Variants in NR4A1 observed in about 807,000 individuals in gnomAD.
NR4A1 encodes nuclear receptor subfamily 4 group A member 1.
A neutral mutation model predicts 47.5 loss-of-function variants in NR4A1; 24 were observed. The ratio of observed to expected loss-of-function variants is 0.50; its 90% CI spans 0.37 to 0.71. The LOEUF is 0.71. Ranked by LOEUF, NR4A1 falls within the 30% of genes least tolerant of loss-of-function variation. The pLI, the probability that NR4A1 is intolerant of heterozygous loss-of-function variation, is 0.00. For missense variants in NR4A1, 669 were observed against 788.6 expected (o/e 0.85, Z 1.82); for synonymous variants, 353 against 345.7 (o/e 1.02, Z -0.24).
chr12:52,057,601 C>G, intron 6 of NR4A1, 71 bp downstream of exon 6: 1 of 1,570,152 alleles, frequency 6.4e-7, no homozygotes, highest in Non-Finnish European at 8.7e-7. Context: ...CAGGAGGGCA[C>G]TGTCCCAGGG....
At position 52,054,530 on chromosome 12, in the gene NR4A1, C is replaced by A; in HGVS notation, c.202C>A (p.Leu68Ile). ...DGYTGEFDTF[L>I]YQLPGTVQPC... ...CTACACAGGAGAGTTTGACACCTTC[C>A]TCTACCAGCTGCCAGGAACAGTCCA... The change falls in exon 2 of 7, where the codon CTC (leucine) becomes ATC (isoleucine). Residue 68 changes from leucine to isoleucine, a missense_variant. Physicochemically the swap from Leu to Ile is conservative, Grantham distance 5 (BLOSUM62 2). Coordinates refer to ENST00000394825, the MANE Select transcript of NR4A1 (RefSeq NM_173157.3). 6.2e-7 allele frequency: 1 copy of A among 1,614,060 alleles called. No homozygotes were observed. The highest frequency in any genetic ancestry group is 8.5e-7 in the Non-Finnish European group (1 of 1,179,958).
chr12:52,051,684 T>C (rs1938959173), intron 1 of NR4A1, 116 bp downstream of exon 1: 1 of 676,722 alleles, frequency 1.5e-6, no homozygotes, highest in East Asian at 1.4e-4. Flanking sequence ...GTAGGTGTAG[T>C]GTGCAGCTGT....
upstream of NR4A1, among the ~76,000 whole-genome samples, chr12:52,048,591 C>T (rs370111111): frequency 2.0e-5 from 3 of 151,870 alleles, no homozygotes; most frequent in African/African-American, 7.2e-5. Flanking sequence ...GAGACTCCGT[C>T]TTAAAAAAAA....
At chr12:52,051,392 C>T, upstream of NR4A1, 2 of 985,512 alleles carry the variant, frequency 2.0e-6, no homozygotes, top group Non-Finnish European at 2.4e-6. Flanking sequence ...GCCCCCGCCC[C>T]TCCCCGTGCG....
In NR4A1 at chr12:52,043,932, A is replaced by G. The variant is rs140235278; in HGVS notation, c.37+2003A>G. 737 of 1,288,556 alleles carry G rather than the reference A, an allele frequency of 5.7e-4. 4 individuals carry two copies. The African/African-American group carries it at 0.011, about 19-fold the overall frequency. 79.8% of individuals were successfully genotyped at this position (1,288,556 alleles called of 1,614,324 possible). A position where few individuals can be genotyped will look rare whatever the true frequency, so the allele number is the denominator to read the frequency against. On this transcript the variant is annotated intron_variant, in intron 2 of 7. Coordinates refer to the NR4A1 transcript ENST00000360284. ...AGCTGGTGAGTCTTGGGACAGGGAC[A>G]TTGAGGAATGGGAGCTGGGCTGTTT...
In NR4A1 at chr12:52,028,202, CAAAAAAAAAAAAAAAAA is replaced by C. The variant is rs34072500; in HGVS notation, c.-84+5274_-84+5290del. ...GGGTGACAAAGTGAGACCCTGTCTC[CAAAAAAAAAAAAAAAAA>C]AAAAAAAAAAGAAGAGAGAAGTATG... On this transcript the variant is annotated intron_variant, in intron 1 of 7. Transcript: ENST00000360284. 7.6e-4 allele frequency among the ~76,000 whole-genome samples: 47 copies of C among 61,782 alleles called. No homozygotes were observed. In the East Asian group the frequency reaches 0.018, roughly 24 times the overall value. The allele number at this position is 61,782 out of a possible 152,430, so 40.5% of individuals were successfully genotyped here.
chr12:52,054,083 C>T, intron 1 of NR4A1: 2 of 532,922 alleles, frequency 3.8e-6, no homozygotes, highest in Non-Finnish European at 6.6e-6. Flanking sequence ...TAGGGTGTGG[C>T]TGGCCTTCTG....
chr12:52,024,278 T>G (rs1019906266), intron 1 of NR4A1, among the ~76,000 whole-genome samples: 1 of 152,244 alleles, frequency 6.6e-6, no homozygotes, highest in Non-Finnish European at 1.5e-5. Context: ...GATTATCACA[T>G]GCAGTGGATT....
chr12:52,053,527 C>A, intron 1 of NR4A1: 1 of 151,418 alleles, frequency 6.6e-6, no homozygotes. Flanking sequence ...CCCCCTTGCC[C>A]TGTCCCCAGC....
chr12:52,037,535 A>G (rs1439211371), intron 1 of NR4A1: 1 of 978,022 alleles, frequency 1.0e-6, no homozygotes, highest in Non-Finnish European at 1.2e-6. Flanking sequence ...GCTCGGGGCC[A>G]CGCCGGAGTC....
intron 1 of NR4A1, chr12:52,037,766 C>T: frequency 1.0e-6 from 1 of 985,466 alleles, no homozygotes. Context: ...GCTCGTCTGC[C>T]AGGAGACCCA....
upstream of NR4A1, among the ~76,000 whole-genome samples, chr12:52,051,104 C>CT (rs1482853295): frequency 1.3e-5 from 2 of 152,192 alleles, no homozygotes; most frequent in Admixed American, 6.5e-5. Flanking sequence ...CCAGCTGGGA[C>CT]CCGAGTCCGG....
rs747700926 is a variant in NR4A1 at position 52,054,723 on chromosome 12, A to G, written c.395A>G (p.Tyr132Cys). Reference sequence around the variant, plus strand: ...CTGTCCTCCAGTGGCTCTGACTACTATGGCAGCCCCTGCTCGGCCCCGTCG... The same window carrying G: ...CTGTCCTCCAGTGGCTCTGACTACTGTGGCAGCCCCTGCTCGGCCCCGTCG... ...EALSSSGSDY[Y>C]GSPCSAPSPS... is the part of the protein sequence containing the mutation. The change falls in exon 2 of 7, where the codon TAT (tyrosine) becomes TGT (cysteine). Residue 132 changes from tyrosine (Y) to cysteine (C), a missense_variant. Physicochemically the swap from Tyr to Cys is radical, Grantham distance 194. Coordinates refer to ENST00000394825, the MANE Select transcript of NR4A1 (RefSeq NM_173157.3). The G allele has an allele frequency of 2.5e-6, 4 of 1,613,346 alleles. No individual in the cohort carries two copies. Among genetic ancestry groups the G allele is most frequent in the Non-Finnish European group, 3.4e-6 (4 of 1,180,016 alleles).
intron 1 of NR4A1, chr12:52,038,771 C>T (rs1467084807): frequency 1.3e-6 from 1 of 763,576 alleles, no homozygotes; most frequent in African/African-American, 1.7e-5. Flanking sequence ...GAAGGATGGG[C>T]CGAGATTAAC....
At chr12:52,046,930 G>A (rs2121016614), upstream of NR4A1, among the ~76,000 whole-genome samples, 1 of 152,310 alleles carries the variant, frequency 6.6e-6, no homozygotes, top group Non-Finnish European at 1.5e-5. Context: ...AACAGTATGT[G>A]CAAAGTGGGT....
chr12:52,023,998 G>A (rs974476876), intron 1 of NR4A1, among the ~76,000 whole-genome samples: 1 of 152,198 alleles, frequency 6.6e-6, no homozygotes, highest in South Asian at 2.1e-4. Context: ...AACGTGCAGA[G>A]GTCGGTCCTG....
chr12:52,053,985 A>G, intron 1 of NR4A1: 1 of 240,824 alleles, frequency 4.2e-6, no homozygotes. Flanking sequence ...CCCATGGGGG[A>G]GGGGCAGGGG....
Position 52,037,491 on chromosome 12 carries a change from C to A in NR4A1, c.-83-4319C>A, listed in dbSNP as rs1276004767. ...GGAGGTGGGCCCCGGAGAGGCCGGG[C>A]AATCTCGGGTCTTCGGTGGATGCCT... On this transcript the variant is annotated intron_variant, in intron 1 of 7. Coordinates refer to the NR4A1 transcript ENST00000360284. 5 of 982,108 alleles carry A rather than the reference C, an allele frequency of 5.1e-6. No individual in the cohort carries two copies. In the Admixed American group the frequency reaches 2.5e-4, roughly 48 times the overall value. 60.8% of individuals were successfully genotyped at this position (982,108 alleles called of 1,614,324 possible). A position where few individuals can be genotyped will look rare whatever the true frequency, so the allele number is the denominator to read the frequency against.
chr12:52,027,457 T>C (rs926707692), intron 1 of NR4A1, among the ~76,000 whole-genome samples: 1 of 152,228 alleles, frequency 6.6e-6, no homozygotes, highest in Non-Finnish European at 1.5e-5. Flanking sequence ...CCTGAGCAGC[T>C]AAGGCAGCTC....
Sources: gnomAD v4.1 joint callset for allele counts (sites outside exome capture counted in the v4.1 genomes callset) on GRCh38, gnomAD v4.1.1 for gene constraint, MANE v1.5 for transcripts, NCBI Gene and HGNC (gene_info 2026-07-23, HGNC 2026-07-21) for gene names.